Variants in LRBA observed in about 807,000 individuals in gnomAD.
LRBA encodes LPS responsive beige-like anchor protein.
In LRBA, 176 loss-of-function variants were observed where a neutral mutation model predicts 330.0. The observed-to-expected ratio is 0.53, with a 90% CI of 0.47 to 0.60. LRBA has a LOEUF of 0.60. Among genes scored for constraint, LRBA ranks in the 20% least tolerant of loss-of-function variants. LRBA has a pLI of 0.00. For missense variants in LRBA, 3,259 were observed against 3,444.8 expected, an observed-to-expected ratio of 0.95 and a Z score of 1.35; for synonymous variants, 1,230 against 1,193.0, an observed-to-expected ratio of 1.03 and a Z score of -0.64.
At chr4:150,997,277 G>T (rs1579443493) in intron 2 of LRBA, among the ~76,000 whole-genome samples, 1 of 152,136 alleles carries the variant, frequency 6.6e-6, no homozygotes, top group Non-Finnish European at 1.5e-5. Flanking sequence ...TGTAAATAAA[G>T]AAACAGAGCA....
At chr4:150,891,542 A>C (rs1427988328) in intron 17 of LRBA, among the ~76,000 whole-genome samples, 1 of 152,206 alleles carries the variant, frequency 6.6e-6, no homozygotes, top group Admixed American at 6.5e-5. Flanking sequence ...AAAAAAGCCT[A>C]ACTGCCTTGG....
intron 36 of LRBA, among the ~76,000 whole-genome samples, chr4:150,728,035 T>C (rs1729934816): frequency 6.6e-6 from 1 of 152,120 alleles, no homozygotes; most frequent in Non-Finnish European, 1.5e-5. Context: ...ACATTACAAC[T>C]GATACGGTAG....
At position 150,720,385 on chromosome 4, in the gene LRBA, A is replaced by G. The variant is rs75443778; in HGVS notation, c.5754+14873T>C. Among the ~76,000 whole-genome samples, 696 of 152,296 alleles carry G rather than the reference A, an allele frequency of 4.6e-3. 6 individuals are homozygous for G. Among genetic ancestry groups the G allele is most frequent in the African/African-American group, 0.016 (666 of 41,576 alleles). On this transcript the variant is annotated intron_variant, in intron 36 of 56. Transcript: ENST00000651943. ...ACAACATAACAAAAACATAATGCAA[A>G]TAAGATAAAACTCAAAATAAAGTGA...
Position 150,988,586 on chromosome 4 carries a change from T to A in LRBA, c.216+25841A>T, listed in dbSNP as rs545919951. ...TTTCTATGAGAAACAGAATATCAAA[T>A]TTTTTTTTTTTGAGACACAGTCTCG... On this transcript the variant is annotated intron_variant, in intron 2 of 56. Transcript: ENST00000651943. 5.4e-5 allele frequency among the ~76,000 whole-genome samples: 8 copies of A among 147,910 alleles called. 1 individual carries two copies. Among genetic ancestry groups the A allele is most frequent in the African/African-American group, 9.8e-5 (4 of 40,726 alleles).
chr4:150,356,736 G>T (rs1737897458), intron 47 of LRBA, among the ~76,000 whole-genome samples: 1 of 151,690 alleles, frequency 6.6e-6, no homozygotes, highest in Non-Finnish European at 1.5e-5. Context: ...AAACACAATG[G>T]AAATATTTAA....
chr4:150,412,949 T>C (rs984431600), intron 47 of LRBA, among the ~76,000 whole-genome samples: 2 of 151,770 alleles, frequency 1.3e-5, no homozygotes, highest in Admixed American at 1.3e-4. Context: ...AAAAAATATT[T>C]TCAAAATATA....
At chr4:150,294,775 C>A (rs1248946203) in intron 53 of LRBA, among the ~76,000 whole-genome samples, 2 of 152,118 alleles carry the variant, frequency 1.3e-5, no homozygotes, top group African/African-American at 2.4e-5. Context: ...CATGGTGAAA[C>A]CCTGTCTCTA....
At chr4:151,004,985 C>G (rs1040903830) in intron 2 of LRBA, among the ~76,000 whole-genome samples, 1 of 150,740 alleles carries the variant, frequency 6.6e-6, no homozygotes, top group Non-Finnish European at 1.5e-5. Context: ...AGCGAGACTT[C>G]GACTCAAAAA....
At position 150,409,841 on chromosome 4, in the gene LRBA, A is replaced by G. The variant is rs186022920; in HGVS notation, c.7194+5597T>C. On this transcript the variant is annotated intron_variant, in intron 47 of 56. Transcript: ENST00000651943. ...TATCACGGCTAAAAGCAAACCAAAC[A>G]ATAGTAATTTTAGACTCTTCATACC... Among the ~76,000 whole-genome samples the G allele has an allele frequency of 8.5e-5, 13 of 152,256 alleles. No individual in the cohort carries two copies. In the East Asian group the frequency reaches 2.1e-3, roughly 25 times the overall value.
rs115132893 is a variant in LRBA at position 150,406,394 on chromosome 4, C to A, written c.7194+9044G>T. Among the ~76,000 whole-genome samples the A allele has an allele frequency of 6.3e-3, 954 of 152,136 alleles. 6 individuals are homozygous for A. Among genetic ancestry groups the A allele is most frequent in the Non-Finnish European group, 0.01 (692 of 67,996 alleles). ...AAATGTGAATAAACACTTCAAATGG[C>A]AGAGATTGTCAGTCTAGATAAGTAA... is the stretch of plus-strand genomic sequence containing the variant. On this transcript the variant is annotated intron_variant, in intron 47 of 56. Coordinates refer to ENST00000651943, the MANE Select transcript of LRBA (RefSeq NM_001364905.1).
chr4:150,958,333 T>C (rs1410276767), intron 2 of LRBA, among the ~76,000 whole-genome samples: 1 of 149,122 alleles, frequency 6.7e-6, no homozygotes, highest in Non-Finnish European at 1.5e-5. Context: ...TCTGAAGCAA[T>C]GGTGTGAGCT....
At chr4:150,986,871 G>A (rs1030729610) in intron 2 of LRBA, among the ~76,000 whole-genome samples, 2 of 152,180 alleles carry the variant, frequency 1.3e-5, no homozygotes, top group Non-Finnish European at 2.9e-5. Context: ...AATGATACTC[G>A]TGCGATAGGT....
chr4:150,843,349 TA>T (rs1433234271), intron 28 of LRBA, among the ~76,000 whole-genome samples: 1 of 152,158 alleles, frequency 6.6e-6, no homozygotes, highest in Admixed American at 6.5e-5. Flanking sequence ...AATATATATG[TA>T]AAACATACAG....
At chr4:150,659,156 G>T (rs1357930559) in intron 37 of LRBA, among the ~76,000 whole-genome samples, 3 of 136,044 alleles carry the variant, frequency 2.2e-5, no homozygotes, top group Non-Finnish European at 4.9e-5. Flanking sequence ...GGGAAGGGAG[G>T]AGTGTCTCTG....
In LRBA at chr4:150,733,394, A is replaced by G. The variant is rs75809424; in HGVS notation, c.5754+1864T>C. Among the ~76,000 whole-genome samples the G allele has an allele frequency of 5.6e-3, 852 of 152,172 alleles. 7 individuals carry two copies. The highest frequency in any genetic ancestry group is 0.02 in the African/African-American group (829 of 41,544). On this transcript the variant is annotated intron_variant, in intron 36 of 56. Coordinates refer to ENST00000651943, the MANE Select transcript of LRBA (RefSeq NM_001364905.1). ...TAGAAGGGAATCCTGACTTTAACTT[A>G]CTCTCAAAATTCAGAAAAACAAAGC... is the stretch of plus-strand genomic sequence containing the variant.
intron 28 of LRBA, chr4:150,840,731 T>C (rs1386265856): frequency 5.8e-6 from 1 of 172,698 alleles, no homozygotes; most frequent in Non-Finnish European, 1.2e-5. Flanking sequence ...ATAAAGTACA[T>C]GCTGTTGGAT....
At chr4:150,280,597 A>G (rs1473129791) in intron 55 of LRBA, among the ~76,000 whole-genome samples, 1 of 152,214 alleles carries the variant, frequency 6.6e-6, no homozygotes, top group Non-Finnish European at 1.5e-5. Flanking sequence ...CATCTAAAAT[A>G]AAAATAGGTG....
intron 42 of LRBA, among the ~76,000 whole-genome samples, chr4:150,480,759 G>T (rs984836782): frequency 2.9e-4 from 44 of 152,258 alleles, no homozygotes; most frequent in African/African-American, 9.9e-4. Context: ...ACGCAGTGAT[G>T]TGATATACAT....
intron 31 of LRBA, among the ~76,000 whole-genome samples, chr4:150,814,364 T>C (rs1744237830): frequency 6.6e-6 from 1 of 151,784 alleles, no homozygotes; most frequent in South Asian, 2.1e-4. Context: ...CAAAAGCATG[T>C]AAAGTGGGGC....
Sources: gnomAD v4.1 joint callset for allele counts (sites outside exome capture counted in the v4.1 genomes callset) on GRCh38, gnomAD v4.1.1 for gene constraint, MANE v1.5 for transcripts, NCBI Gene and HGNC (gene_info 2026-07-23, HGNC 2026-07-21) for gene names.